TMEM135: variants seen among roughly 807,000 people sequenced by gnomAD.
TMEM135 encodes peroxisomal membrane protein 52.
Under a neutral mutation model 60.3 loss-of-function variants are expected in TMEM135, and 30 were observed. The observed-to-expected ratio is 0.50, with a 90% CI of 0.37 to 0.68. The LOEUF (loss-of-function observed/expected upper bound fraction) is 0.68, where lower values mean the gene tolerates loss of function less well. Among genes scored for constraint, TMEM135 ranks in the 30% least tolerant of loss-of-function variants. The probability of loss-of-function intolerance (pLI) is 0.00; values close to 1 mark genes in which losing one functional copy is unlikely to be tolerated. For synonymous variants in TMEM135, 190 were observed against 186.7 expected, an observed-to-expected ratio of 1.02 and a Z score of -0.14; for missense variants, 468 against 548.8, an observed-to-expected ratio of 0.85 and a Z score of 1.47.
chr11:87,324,639 CAGG>C lies in TMEM135; in HGVS notation c.*3307_*3309del, dbSNP rs775371066. 4 of 448,056 alleles carry C rather than the reference CAGG, an allele frequency of 8.9e-6. No homozygotes were observed. Among genetic ancestry groups the C allele is most frequent in the Non-Finnish European group, 1.8e-5 (4 of 225,422 alleles). 27.8% of individuals were successfully genotyped at this position (448,056 alleles called of 1,614,324 possible). ...AGAAACAAGGTGTTGCTATGTTGTC[CAGG>C]CTGGTCTTAAACTCCTGGCCTCAAG... On this transcript the variant is annotated 3_prime_UTR_variant, in exon 15 of 15. Transcript: ENST00000305494.
chr11:87,159,003 A>T (rs1402207595), intron 5 of TMEM135, among the ~76,000 whole-genome samples: 2 of 152,110 alleles, frequency 1.3e-5, no homozygotes, highest in Non-Finnish European at 2.9e-5. Flanking sequence ...CTTTTATAGG[A>T]TGGTTAGGGA....
chr11:87,217,450 T>C (rs925780100), intron 5 of TMEM135, among the ~76,000 whole-genome samples: 2 of 152,180 alleles, frequency 1.3e-5, no homozygotes, highest in African/African-American at 4.8e-5. Flanking sequence ...AGTACAATAA[T>C]GAGAACTGAC....
rs1481531339 is a variant in TMEM135 at position 87,324,522 on chromosome 11, A to G, written c.*3189A>G. Reference sequence around the variant, plus strand: ...TTGAAACCTCAAATTCCTTGGTTCAAGCAATTATTTCCCCTCAGTCTCTAA... The same window carrying G: ...TTGAAACCTCAAATTCCTTGGTTCAGGCAATTATTTCCCCTCAGTCTCTAA... On this transcript the variant is annotated 3_prime_UTR_variant, in exon 15 of 15. Coordinates refer to ENST00000305494, the MANE Select transcript of TMEM135 (RefSeq NM_022918.4). 1 of 453,356 alleles carries G rather than the reference A, an allele frequency of 2.2e-6. No homozygotes were observed. The highest frequency in any genetic ancestry group is 4.4e-6 in the Non-Finnish European group (1 of 226,694). 28.1% of individuals were successfully genotyped at this position (453,356 alleles called of 1,614,324 possible).
chr11:87,327,139 C>T lies in TMEM135; in HGVS notation c.*5806C>T, dbSNP rs1253027567. ...TTGTCCAGATACTTTTCCAACCAGC[C>T]TTTACTCGGAGGTGTTCATGTGACC... is the stretch of plus-strand genomic sequence containing the variant. On this transcript the variant is annotated 3_prime_UTR_variant, in exon 15 of 15. Transcript: ENST00000305494. The T allele has an allele frequency of 4.4e-6, 2 of 453,854 alleles. No homozygotes were observed. Among genetic ancestry groups the T allele is most frequent in the Admixed American group, 2.4e-5 (1 of 42,530 alleles). The allele number at this position is 453,854 out of a possible 1,614,324, so 28.1% of individuals were successfully genotyped here.
chr11:87,247,124 C>T (rs553735342), intron 6 of TMEM135, among the ~76,000 whole-genome samples: 1 of 151,226 alleles, frequency 6.6e-6, no homozygotes, highest in African/African-American at 2.4e-5. Flanking sequence ...CCACTCCAGA[C>T]CCTGTTTGCC....
At chr11:87,124,657 A>G (rs563227110) in intron 4 of TMEM135, among the ~76,000 whole-genome samples, 2 of 152,290 alleles carry the variant, frequency 1.3e-5, no homozygotes, top group Non-Finnish European at 2.9e-5. Context: ...ATATGTACCA[A>G]TGACAGTGAT....
Position 87,103,540 on chromosome 11 carries a change from A to AT in TMEM135, c.396+12152dup, listed in dbSNP as rs540621466. On this transcript the variant is annotated intron_variant, in intron 4 of 14. Coordinates refer to ENST00000305494, the MANE Select transcript of TMEM135 (RefSeq NM_022918.4). ...AAATGTCTGTTCAGGTCCTTTGCCC[A>AT]TTTTTTTAATTGAGTTGTTTCCTTG... Among the ~76,000 whole-genome samples, 29 of 138,514 alleles carry AT rather than the reference A, an allele frequency of 2.1e-4. No individual in the cohort carries two copies. In the South Asian group the frequency reaches 6.0e-3, roughly 29 times the overall value. 90.9% of individuals were successfully genotyped at this position (138,514 alleles called of 152,430 possible).
intron 9 of TMEM135, among the ~76,000 whole-genome samples, chr11:87,307,626 G>A (rs915173106): frequency 6.6e-6 from 1 of 152,104 alleles, no homozygotes; most frequent in Non-Finnish European, 1.5e-5. Context: ...TTTCAAATGT[G>A]TACCAGTACT....
chr11:87,236,896 C>T (rs575985236), intron 6 of TMEM135, among the ~76,000 whole-genome samples: 2 of 150,760 alleles, frequency 1.3e-5, no homozygotes, highest in African/African-American at 4.9e-5. Context: ...ATTCTCCCCA[C>T]CCCCCATTCT....
intron 7 of TMEM135, among the ~76,000 whole-genome samples, chr11:87,298,024 A>T (rs1361116545): frequency 6.6e-6 from 1 of 152,222 alleles, no homozygotes; most frequent in African/African-American, 2.4e-5. Context: ...TTGTAAAAAA[A>T]TAATGTGAGT....
chr11:87,244,839 T>C (rs942896678), intron 6 of TMEM135, among the ~76,000 whole-genome samples: 5 of 150,222 alleles, frequency 3.3e-5, no homozygotes, highest in African/African-American at 7.3e-5. Flanking sequence ...GTTTTTTGTG[T>C]CTCTGTTTCC....
chr11:87,112,624 A>T (rs114843057), intron 4 of TMEM135, among the ~76,000 whole-genome samples: 2 of 152,148 alleles, frequency 1.3e-5, no homozygotes, highest in Non-Finnish European at 2.9e-5. Context: ...TAAAATTATT[A>T]TAATACTAAA....
chr11:87,046,730 T>C (rs1027651719), intron 1 of TMEM135, among the ~76,000 whole-genome samples: 3 of 152,018 alleles, frequency 2.0e-5, no homozygotes, highest in African/African-American at 7.2e-5. Flanking sequence ...GGGAGAGAGT[T>C]TAGAAAGAGA....
chr11:87,062,602 T>C (rs957367438), intron 1 of TMEM135, among the ~76,000 whole-genome samples: 2 of 151,624 alleles, frequency 1.3e-5, no homozygotes, highest in African/African-American at 4.9e-5. Context: ...GTAGCTGGGA[T>C]TACAGGCGCC....
chr11:87,300,719 T>C (rs11235086), intron 7 of TMEM135, among the ~76,000 whole-genome samples: 11,647 of 152,236 alleles, frequency 0.077, 888 homozygotes, highest in African/African-American at 0.19. Flanking sequence ...GATGCTGGGA[T>C]ATAACAGCAA....
At chr11:87,072,629 C>T (rs558576960) in intron 3 of TMEM135, among the ~76,000 whole-genome samples, 2 of 152,102 alleles carry the variant, frequency 1.3e-5, no homozygotes, top group African/African-American at 2.4e-5. Context: ...GATCCGCCCG[C>T]CTTGGCCTCC....
rs777542785 is a variant in TMEM135, at chr11:87,037,962, G to C, written c.-84G>C. 15 of 1,598,184 alleles carry C rather than the reference G, an allele frequency of 9.4e-6. No homozygotes were observed. Among genetic ancestry groups the C allele is most frequent in the Non-Finnish European group, 1.2e-5 (14 of 1,173,288 alleles). On this transcript the variant is annotated 5_prime_UTR_variant, in exon 1 of 15. Transcript: ENST00000305494. ...CCGCACCTCCGAGTGCTGGCCGGGC[G>C]AGAGGCTGGCGGCTGGGCTCTCGCG...
intron 5 of TMEM135, among the ~76,000 whole-genome samples, chr11:87,186,351 C>T (rs897038931): frequency 1.2e-4 from 19 of 152,144 alleles, no homozygotes; most frequent in African/African-American, 4.6e-4. Flanking sequence ...CTCCTGGCCC[C>T]AGCTACAATC....
chr11:87,133,034 A>G (rs569044222), intron 4 of TMEM135, among the ~76,000 whole-genome samples: 10 of 152,212 alleles, frequency 6.6e-5, no homozygotes, highest in Non-Finnish European at 1.5e-4. Context: ...TGAAAGGGCT[A>G]AGTGCTAACT....
Sources: gnomAD v4.1 joint callset for allele counts (sites outside exome capture counted in the v4.1 genomes callset) on GRCh38, gnomAD v4.1.1 for gene constraint, MANE v1.5 for transcripts, NCBI Gene and HGNC (gene_info 2026-07-23, HGNC 2026-07-21) for gene names.